Variants in BRD10 observed in about 807,000 individuals in gnomAD.
The protein encoded by BRD10 is bromodomain containing 10.
At chr9:5,996,131 A>C in the BRD10 span, among the ~76,000 whole-genome samples, 1 of 152,304 alleles carries the variant, frequency 6.6e-6, no homozygotes, top group Admixed American at 6.5e-5. Flanking sequence ...CCTTAGTGGT[A>C]AGTAAAGCCA....
chr9:5,994,433 T>C, the BRD10 span, among the ~76,000 whole-genome samples: 1 of 152,202 alleles, frequency 6.6e-6, no homozygotes, highest in South Asian at 2.1e-4. Context: ...GTAGTCTTCA[T>C]ACCCACAAAA....
chr9:5,919,913 G>C, the BRD10 span: 2 of 1,613,982 alleles, frequency 1.2e-6, no homozygotes, highest in Non-Finnish European at 8.5e-7. Context: ...TGGCAGTGGA[G>C]GATTACTGGG....
the BRD10 span, chr9:5,909,726 C>G: frequency 6.6e-6 from 1 of 152,142 alleles, no homozygotes; most frequent in Non-Finnish European, 1.5e-5. Flanking sequence ...TGCCTGTGTA[C>G]TGCCTTAAAT....
the BRD10 span, among the ~76,000 whole-genome samples, chr9:5,886,067 C>T: frequency 6.6e-6 from 1 of 152,208 alleles, no homozygotes. Flanking sequence ...AAGCGGAAGC[C>T]CGAGCAGCCG....
the BRD10 span, among the ~76,000 whole-genome samples, chr9:5,984,917 C>A: frequency 2.7e-5 from 4 of 150,684 alleles, no homozygotes; most frequent in African/African-American, 9.8e-5. Flanking sequence ...AATATGATTT[C>A]AAAATTACAC....
chr9:5,981,691 G>A, the BRD10 span, among the ~76,000 whole-genome samples: 4 of 152,062 alleles, frequency 2.6e-5, no homozygotes, highest in Non-Finnish European at 5.9e-5. Flanking sequence ...GGAGACACAA[G>A]AATGTTTACT....
At chr9:5,923,100 C>G in the BRD10 span, 1 of 1,613,978 alleles carries the variant, frequency 6.2e-7, no homozygotes, top group South Asian at 1.1e-5. Flanking sequence ...ACATCACTTT[C>G]TAGATTCTCA....
the BRD10 span, among the ~76,000 whole-genome samples, chr9:5,990,835 A>C: frequency 2.6e-5 from 4 of 152,048 alleles, no homozygotes; most frequent in East Asian, 7.7e-4. Flanking sequence ...AATAATCATT[A>C]AAGTTTAACA....
At chr9:5,885,942 T>A in the BRD10 span, among the ~76,000 whole-genome samples, 2 of 152,196 alleles carry the variant, frequency 1.3e-5, no homozygotes, top group Admixed American at 1.3e-4. Flanking sequence ...TTTCTGGGAT[T>A]TTCAGGCATA....
chr9:5,914,654 A>G, the BRD10 span, among the ~76,000 whole-genome samples: 1 of 151,890 alleles, frequency 6.6e-6, no homozygotes, highest in Admixed American at 6.6e-5. Flanking sequence ...CGATCTCCTG[A>G]CCTCGTGATC....
chr9:5,980,686 G>A, the BRD10 span, among the ~76,000 whole-genome samples: 1 of 152,122 alleles, frequency 6.6e-6, no homozygotes, highest in East Asian at 1.9e-4. Context: ...TGTATATAGA[G>A]AGAGAGAGAG....
chr9:6,007,465 A>G, the BRD10 span: 1 of 1,608,946 alleles, frequency 6.2e-7, no homozygotes, highest in Non-Finnish European at 8.5e-7. Context: ...CGCGGTGGCA[A>G]CGCCCCCCAA....
chr9:5,924,964 G>C, the BRD10 span: 9 of 724,202 alleles, frequency 1.2e-5, no homozygotes, highest in Admixed American at 2.2e-4. Context: ...CACTAGAAAT[G>C]CTTTAATCTT....
chr9:5,937,837 G>C, the BRD10 span, among the ~76,000 whole-genome samples: 32 of 152,194 alleles, frequency 2.1e-4, no homozygotes, highest in African/African-American at 6.8e-4. Flanking sequence ...GTGCAGAGTA[G>C]AATATGAATG....
chr9:5,969,541 GTTTT>G, the BRD10 span: 5 of 759,762 alleles, frequency 6.6e-6, no homozygotes, highest in Non-Finnish European at 8.2e-6. Flanking sequence ...AACTGTCCTA[GTTTT>G]ATTTATTTAT....
chr9:5,885,830 G>C, the BRD10 span, among the ~76,000 whole-genome samples: 1 of 152,170 alleles, frequency 6.6e-6, no homozygotes, highest in Non-Finnish European at 1.5e-5. Flanking sequence ...TGAGGCTTAC[G>C]GGGTGAGGAC....
the BRD10 span, chr9:5,920,346 A>C: frequency 6.2e-7 from 1 of 1,613,838 alleles, no homozygotes; most frequent in South Asian, 1.1e-5. Flanking sequence ...CCAGGTGCCA[A>C]AGGTGTACTG....
chr9:5,914,409 GGTTTTTTTT>G, the BRD10 span, among the ~76,000 whole-genome samples: 4 of 106,924 alleles, frequency 3.7e-5, no homozygotes, highest in Admixed American at 1.2e-4. Context: ...AAATCCAGAT[GGTTTTTTTT>G]TTTTTTTTTT....
chr9:5,955,095 A>T, the BRD10 span, among the ~76,000 whole-genome samples: 9,399 of 152,018 alleles, frequency 0.062, 313 homozygotes, highest in Middle Eastern at 0.082. Flanking sequence ...TCTCAAAAAA[A>T]AATAATAATA....
Sources: gnomAD v4.1 joint callset for allele counts (sites outside exome capture counted in the v4.1 genomes callset) on GRCh38, gnomAD v4.1.1 for gene constraint, MANE v1.5 for transcripts, NCBI Gene and HGNC (gene_info 2026-07-23, HGNC 2026-07-21) for gene names.